The following BORCS5 variants were observed in gnomAD, a reference collection of about 807,000 sequenced individuals.
BORCS5 encodes BLOC-1-related complex subunit 5.
BORCS5 carries 17 observed loss-of-function variants against 22.1 expected under a neutral mutation model. The ratio of observed to expected loss-of-function variants is 0.77; its 90% CI spans 0.53 to 1.15. The LOEUF is 1.15. BORCS5 is among the 50% of genes most tolerant of loss of function. The pLI, the probability that BORCS5 is intolerant of heterozygous loss-of-function variation, is 0.00. For synonymous variants in BORCS5, 117 were observed against 99.8 expected (o/e 1.17, Z -1.03); for missense variants, 247 against 253.2 (o/e 0.98, Z 0.17).
intron 2 of BORCS5, among the ~76,000 whole-genome samples, chr12:12,362,662 T>A (rs112829682): frequency 4.4e-4 from 63 of 143,414 alleles, no homozygotes; most frequent in African/African-American, 1.6e-3. Context: ...TTTTTTTTTT[T>A]AGAGTTTTGC....
At chr12:12,421,228 A>G (rs776461559) in intron 2 of BORCS5, among the ~76,000 whole-genome samples, 2 of 152,156 alleles carry the variant, frequency 1.3e-5, no homozygotes, top group South Asian at 2.1e-4. Flanking sequence ...CGTTCCATCA[A>G]TACCCAGTTT....
chr12:12,430,151 A>ATTTTTTTTTTTTTTTTTT (rs71061068), intron 2 of BORCS5, among the ~76,000 whole-genome samples: 3 of 107,748 alleles, frequency 2.8e-5, no homozygotes, highest in African/African-American at 4.1e-5. Context: ...CTTAGAGAAA[A>ATTTTTTTTTTTTTTTTTT]TTTTTTTTTT....
intron 2 of BORCS5, among the ~76,000 whole-genome samples, chr12:12,362,664 G>GTTTTTTT (rs1863315688): frequency 5.1e-5 from 1 of 19,508 alleles, no homozygotes; most frequent in Non-Finnish European, 1.8e-4. Flanking sequence ...TTTTTTTTTA[G>GTTTTTTT]AGTTTTGCTC....
chr12:12,371,522 G>A (rs1863528607), intron 2 of BORCS5, among the ~76,000 whole-genome samples: 1 of 151,916 alleles, frequency 6.6e-6, no homozygotes, highest in South Asian at 2.1e-4. Context: ...TCAAACTCCT[G>A]GGCACAAGCG....
chr12:12,421,420 A>T (rs1023718915), intron 2 of BORCS5, among the ~76,000 whole-genome samples: 1 of 152,132 alleles, frequency 6.6e-6, no homozygotes. Context: ...GTGGTAGGTA[A>T]GCTTTTTGAT....
chr12:12,404,497 T>A (rs1448457626), intron 2 of BORCS5, among the ~76,000 whole-genome samples: 1 of 152,056 alleles, frequency 6.6e-6, no homozygotes, highest in African/African-American at 2.4e-5. Flanking sequence ...CTAATCCCAT[T>A]TACCCAGAGA....
chr12:12,416,678 C>G (rs918670672), intron 2 of BORCS5, among the ~76,000 whole-genome samples: 1 of 151,868 alleles, frequency 6.6e-6, no homozygotes, highest in Non-Finnish European at 1.5e-5. Flanking sequence ...CCAAGCTCTT[C>G]TCGAACTCCT....
At chr12:12,428,044 T>C (rs181749381) in intron 2 of BORCS5, among the ~76,000 whole-genome samples, 1 of 152,346 alleles carries the variant, frequency 6.6e-6, no homozygotes, top group East Asian at 1.9e-4. Context: ...TCACAGTAAC[T>C]TTTGTCAAAG....
chr12:12,402,577 T>C (rs944509912), intron 2 of BORCS5, among the ~76,000 whole-genome samples: 1 of 152,228 alleles, frequency 6.6e-6, no homozygotes, highest in Non-Finnish European at 1.5e-5. Flanking sequence ...TGAAGTAGAC[T>C]TTTAACCTTG....
In BORCS5 at chr12:12,357,127, A is replaced by G; in HGVS notation, c.-325A>G. The stretch of plus-strand genomic sequence containing the variant: ...TTGCGGAGCGTGAACCAGTGAGTGA[A>G]AGCGGCGCCGCCCGCCGGCCGCAGG... On this transcript the variant is annotated 5_prime_UTR_variant, in exon 1 of 4. Transcript: ENST00000314565. 1 of 1,534,088 alleles carries G rather than the reference A, an allele frequency of 6.5e-7. No individual in the cohort carries two copies. Among genetic ancestry groups the G allele is most frequent in the Non-Finnish European group, 8.7e-7 (1 of 1,146,050 alleles).
At chr12:12,452,511 C>G in intron 3 of BORCS5, 1 of 439,042 alleles carries the variant, frequency 2.3e-6, no homozygotes, top group Non-Finnish European at 4.6e-6. Context: ...CGGGTAGGCA[C>G]TGGGGGCCAG....
chr12:12,453,968 A>G (rs1942957403), intron 3 of BORCS5, among the ~76,000 whole-genome samples: 1 of 152,226 alleles, frequency 6.6e-6, no homozygotes, highest in Non-Finnish European at 1.5e-5. Flanking sequence ...TTTACTTAGC[A>G]TAATGTTTTC....
rs184404724 is a variant in BORCS5 at position 12,453,316 on chromosome 12, T to A, written c.361-12230T>A. On this transcript the variant is annotated intron_variant, in intron 3 of 3. Transcript: ENST00000314565. ...ATTGCTGAGAACTGGCATCTCACGC[T>A]TCCTTTTGGGGTTAGTCGATGCATG... Among the ~76,000 whole-genome samples the A allele has an allele frequency of 2.4e-4, 37 of 152,360 alleles. 1 individual carries two copies. The highest frequency in any genetic ancestry group is 6.5e-5 in the Admixed American group (1 of 15,312).
chr12:12,454,400 G>A (rs1942964379), intron 3 of BORCS5, among the ~76,000 whole-genome samples: 1 of 152,152 alleles, frequency 6.6e-6, no homozygotes, highest in Non-Finnish European at 1.5e-5. Flanking sequence ...TATTCTTTCT[G>A]CTTTTGATTG....
chr12:12,410,984 A>C (rs1941718271), intron 2 of BORCS5, among the ~76,000 whole-genome samples: 1 of 152,098 alleles, frequency 6.6e-6, no homozygotes. Flanking sequence ...TTCTCTTTGA[A>C]GGAATTGTGA....
At chr12:12,361,842 C>T (rs1208755772) in intron 2 of BORCS5, among the ~76,000 whole-genome samples, 1 of 152,146 alleles carries the variant, frequency 6.6e-6, no homozygotes, top group Non-Finnish European at 1.5e-5. Flanking sequence ...CGTAATTAAT[C>T]CTGGCGGCAG....
At chr12:12,444,349 C>G (rs1480178867) in intron 3 of BORCS5, among the ~76,000 whole-genome samples, 1 of 152,192 alleles carries the variant, frequency 6.6e-6, no homozygotes, top group East Asian at 1.9e-4. Flanking sequence ...AGGTGACTCT[C>G]CTCCATTGAG....
In BORCS5 at chr12:12,357,413, C is replaced by T; in HGVS notation, c.-39C>T. On this transcript the variant is annotated 5_prime_UTR_variant, in exon 1 of 4. Coordinates refer to ENST00000314565, the MANE Select transcript of BORCS5 (RefSeq NM_058169.6). ...CGCCCGCCGCCGGAGCGGTGACCGC[C>T]CGGCCCGCCGTTCTTCTGCTGCCAC... The T allele has an allele frequency of 6.3e-7, 1 of 1,596,624 alleles. No individual in the cohort carries two copies. Among genetic ancestry groups the T allele is most frequent in the Non-Finnish European group, 8.6e-7 (1 of 1,168,578 alleles).
At chr12:12,415,332 C>T (rs1272436394) in intron 2 of BORCS5, among the ~76,000 whole-genome samples, 3 of 150,218 alleles carry the variant, frequency 2.0e-5, no homozygotes, top group African/African-American at 7.3e-5. Flanking sequence ...GGATCACTCG[C>T]GGTTAGGAGC....
Sources: allele counts gnomAD v4.1 joint callset (sites outside exome capture counted in the v4.1 genomes callset), GRCh38; gene constraint gnomAD v4.1.1; transcripts MANE v1.5; gene names NCBI Gene and HGNC (gene_info 2026-07-23, HGNC 2026-07-21).